The following KCND2 variants were observed in gnomAD, a reference collection of about 807,000 sequenced individuals.
The protein encoded by KCND2 is A-type voltage-gated potassium channel KCND2.
Under a neutral mutation model 54.4 loss-of-function variants are expected in KCND2, and 16 were observed. That is an observed-to-expected ratio of 0.29 (90% CI 0.20 to 0.45). The LOEUF (loss-of-function observed/expected upper bound fraction) is 0.45. Ranked by LOEUF, KCND2 falls within the 20% of genes least tolerant of loss-of-function variation. The probability of loss-of-function intolerance (pLI) is 1.00; values close to 1 mark genes in which losing one functional copy is unlikely to be tolerated. For synonymous variants in KCND2, 317 were observed against 310.7 expected, an observed-to-expected ratio of 1.02 and a Z score of -0.21; for missense variants, 486 against 824.2, an observed-to-expected ratio of 0.59 and a Z score of 5.02.
chr7:120,724,361 G>A (rs754139648), intron 1 of KCND2, among the ~76,000 whole-genome samples: 1 of 152,146 alleles, frequency 6.6e-6, no homozygotes, highest in Non-Finnish European at 1.5e-5. Context: ...AATAAGAATT[G>A]ACATTTGAGC....
intron 1 of KCND2, among the ~76,000 whole-genome samples, chr7:120,690,423 A>C (rs1209509617): frequency 6.6e-6 from 1 of 152,244 alleles, no homozygotes; most frequent in East Asian, 1.9e-4. Flanking sequence ...ATTTCCAAAT[A>C]TCACCAAACG....
chr7:120,432,689 G>A (rs1221376480), intron 1 of KCND2, among the ~76,000 whole-genome samples: 2 of 152,056 alleles, frequency 1.3e-5, no homozygotes, highest in Non-Finnish European at 2.9e-5. Context: ...CTGTCTCCCA[G>A]GCTGGACTGC....
chr7:120,345,291 T>C (rs1470987083), intron 1 of KCND2, among the ~76,000 whole-genome samples: 1 of 152,180 alleles, frequency 6.6e-6, no homozygotes, highest in Non-Finnish European at 1.5e-5. Context: ...TTGAATGTAA[T>C]TGATCATATA....
chr7:120,401,696 TCTC>T (rs1339170585), intron 1 of KCND2, among the ~76,000 whole-genome samples: 2 of 152,154 alleles, frequency 1.3e-5, no homozygotes, highest in Non-Finnish European at 2.9e-5. Context: ...ACACAACTCT[TCTC>T]CTCATCTGTT....
chr7:120,320,405 G>T (rs2116329091), intron 1 of KCND2, among the ~76,000 whole-genome samples: 1 of 152,240 alleles, frequency 6.6e-6, no homozygotes, highest in African/African-American at 2.4e-5. Context: ...ACCTGTAAGT[G>T]TGAGAATTTG....
At chr7:120,664,400 A>G (rs1005361249) in intron 1 of KCND2, among the ~76,000 whole-genome samples, 1 of 152,030 alleles carries the variant, frequency 6.6e-6, no homozygotes, top group Admixed American at 6.5e-5. Flanking sequence ...GGTATTTTGA[A>G]TGTAATACAC....
chr7:120,426,474 A>G (rs547200928), intron 1 of KCND2, among the ~76,000 whole-genome samples: 1 of 152,304 alleles, frequency 6.6e-6, no homozygotes, highest in African/African-American at 2.4e-5. Flanking sequence ...GACAAAGCTA[A>G]ATTAAAATGT....
intron 1 of KCND2, among the ~76,000 whole-genome samples, chr7:120,589,916 A>G (rs1792648556): frequency 6.6e-6 from 1 of 152,180 alleles, no homozygotes; most frequent in African/African-American, 2.4e-5. Context: ...TATTATTGCC[A>G]CTTTATGCAC....
chr7:120,312,482 A>G (rs1799750387), intron 1 of KCND2, among the ~76,000 whole-genome samples: 1 of 152,156 alleles, frequency 6.6e-6, no homozygotes, highest in African/African-American at 2.4e-5. Flanking sequence ...ACTGACTCAG[A>G]ATTGGAAAGT....
intron 1 of KCND2, among the ~76,000 whole-genome samples, chr7:120,558,078 A>AT (rs1264644944): frequency 6.6e-6 from 1 of 152,022 alleles, no homozygotes; most frequent in Non-Finnish European, 1.5e-5. Context: ...ATTATTAATA[A>AT]TTTTTTCACG....
intron 1 of KCND2, among the ~76,000 whole-genome samples, chr7:120,677,540 T>C (rs1462428674): frequency 7.2e-6 from 1 of 139,672 alleles, no homozygotes. Context: ...GATATAGATA[T>C]AGATATAGAT....
At chr7:120,374,501 C>A (rs565419650) in intron 1 of KCND2, among the ~76,000 whole-genome samples, 1 of 151,818 alleles carries the variant, frequency 6.6e-6, no homozygotes, top group Non-Finnish European at 1.5e-5. Flanking sequence ...ACTTCAAGTA[C>A]CTCCATATAG....
At chr7:120,492,472 C>A (rs1802798516) in intron 1 of KCND2, among the ~76,000 whole-genome samples, 1 of 151,916 alleles carries the variant, frequency 6.6e-6, no homozygotes, top group African/African-American at 2.4e-5. Context: ...ATAAGCTGGG[C>A]AGCTTATAAA....
chr7:120,414,487 C>T (rs901318635), intron 1 of KCND2, among the ~76,000 whole-genome samples: 2 of 152,118 alleles, frequency 1.3e-5, no homozygotes, highest in African/African-American at 4.8e-5. Context: ...ATTATTGGTG[C>T]ATGTTTAACT....
intron 1 of KCND2, among the ~76,000 whole-genome samples, chr7:120,710,673 T>C (rs1792526171): frequency 6.6e-6 from 1 of 152,138 alleles, no homozygotes; most frequent in Non-Finnish European, 1.5e-5. Context: ...AAGGAGCCAA[T>C]CTAAGGTTGG....
At chr7:120,727,909 G>T (rs1562921629) in intron 1 of KCND2, among the ~76,000 whole-genome samples, 1 of 152,012 alleles carries the variant, frequency 6.6e-6, no homozygotes, top group African/African-American at 2.4e-5. Context: ...GCTGAGGACG[G>T]TGGATCACAA....
intron 1 of KCND2, among the ~76,000 whole-genome samples, chr7:120,596,304 G>T (rs1300162025): frequency 6.6e-6 from 1 of 152,148 alleles, no homozygotes. Flanking sequence ...GCCAATGTCT[G>T]CTTAAAAAGT....
chr7:120,737,057 CACACACACACACACACACAA>C (rs1792879636), intron 2 of KCND2, among the ~76,000 whole-genome samples: 5 of 144,106 alleles, frequency 3.5e-5, no homozygotes, highest in African/African-American at 1.3e-4. Flanking sequence ...CACACACACA[CACACACACACACACACACAA>C]ACAAAAAAAA....
At chr7:120,728,516 C>T (rs1365093836) in intron 1 of KCND2, among the ~76,000 whole-genome samples, 1 of 152,028 alleles carries the variant, frequency 6.6e-6, no homozygotes, top group African/African-American at 2.4e-5. Flanking sequence ...GTCTTGAACT[C>T]CTGACTCAGA....
Sources: gnomAD v4.1 joint callset for allele counts (sites outside exome capture counted in the v4.1 genomes callset) on GRCh38, gnomAD v4.1.1 for gene constraint, MANE v1.5 for transcripts, NCBI Gene and HGNC (gene_info 2026-07-23, HGNC 2026-07-21) for gene names.